The following TNRC6C variants were observed in gnomAD, a reference collection of about 807,000 sequenced individuals.
TNRC6C encodes trinucleotide repeat containing adaptor 6C, also known as trinucleotide repeat-containing gene 6C protein.
Under a neutral mutation model 153.7 loss-of-function variants are expected in TNRC6C, and 20 were observed. The ratio of observed to expected loss-of-function variants is 0.13; its 90% CI spans 0.09 to 0.19. The LOEUF (loss-of-function observed/expected upper bound fraction) is 0.19. TNRC6C is among the 10% of genes least tolerant of loss of function. The pLI is 1.00. For missense variants in TNRC6C, 1,987 were observed against 2,172.0 expected, an observed-to-expected ratio of 0.91 and a Z score of 1.69; for synonymous variants, 811 against 841.4, an observed-to-expected ratio of 0.96 and a Z score of 0.63.
At chr17:78,064,351 A>G (rs1011715211) in intron 3 of TNRC6C, among the ~76,000 whole-genome samples, 2 of 152,116 alleles carry the variant, frequency 1.3e-5, no homozygotes, top group Non-Finnish European at 2.9e-5. Context: ...CCTGACTCCC[A>G]AAGTGCTGGA....
At position 78,050,483 on chromosome 17, in the gene TNRC6C, A is replaced by G. The variant is rs1391449013; in HGVS notation, c.1421A>G (p.Asn474Ser). 13 of 1,614,030 alleles carry G rather than the reference A, an allele frequency of 8.1e-6. No homozygotes were observed. The highest frequency in any genetic ancestry group is 3.3e-4 in the Middle Eastern group (2 of 6,062). The change falls in exon 3 of 20, where the codon AAT becomes AGT. Residue 474 changes from asparagine to serine, a missense_variant. Physicochemically the swap from Asn to Ser is conservative, Grantham distance 46. Coordinates refer to ENST00000301624, the Ensembl canonical transcript of TNRC6C. ...CCTAGGTCTGAAAGGAAAAATGACA[A>G]TGGGACAGAGGCCTGGGGTTGTGCA...
intron 1 of TNRC6C, among the ~76,000 whole-genome samples, chr17:78,018,655 A>G (rs2071776150): frequency 1.3e-5 from 2 of 152,124 alleles, no homozygotes; most frequent in Non-Finnish European, 2.9e-5. Context: ...CATGTATCTT[A>G]CTTACACATC....
At chr17:78,063,777 A>G (rs1005970289) in intron 3 of TNRC6C, among the ~76,000 whole-genome samples, 7 of 152,134 alleles carry the variant, frequency 4.6e-5, no homozygotes, top group African/African-American at 1.7e-4. Context: ...CTTTGCCCAG[A>G]TAAGGTGATC....
chr17:78,098,614 CCT>C, intron 17 of TNRC6C, 77 bp downstream of exon 20: 1 of 1,467,870 alleles, frequency 6.8e-7, no homozygotes, highest in Non-Finnish European at 9.1e-7. Flanking sequence ...TCCTGTACCT[CCT>C]TTGTAAGGAC....
intron 2 of TNRC6C, among the ~76,000 whole-genome samples, chr17:78,038,593 G>A (rs2072227786): frequency 6.6e-6 from 1 of 151,076 alleles, no homozygotes; most frequent in Non-Finnish European, 1.5e-5. Context: ...GCAGGAGAAT[G>A]CCGTGAACCC....
chr17:78,054,460 T>C (rs995475337), intron 3 of TNRC6C, among the ~76,000 whole-genome samples: 1 of 151,712 alleles, frequency 6.6e-6, no homozygotes, highest in Admixed American at 6.5e-5. Context: ...TACTGTATAC[T>C]ACTGCAGACT....
chr17:78,055,925 C>T (rs766122340), intron 3 of TNRC6C, among the ~76,000 whole-genome samples: 8 of 152,178 alleles, frequency 5.3e-5, no homozygotes, highest in Non-Finnish European at 7.3e-5. Context: ...GACCTGCTGA[C>T]ATTTCTAAAA....
chr17:78,021,021 C>T (rs377635136), intron 1 of TNRC6C, among the ~76,000 whole-genome samples: 3 of 152,210 alleles, frequency 2.0e-5, no homozygotes, highest in East Asian at 3.8e-4. Context: ...TGCCTTCCTA[C>T]GGCAACCAAC....
intron 1 of TNRC6C, among the ~76,000 whole-genome samples, chr17:77,997,911 C>T (rs2071354097): frequency 6.6e-6 from 1 of 152,206 alleles, no homozygotes. Flanking sequence ...ACCTCGGCCT[C>T]CCAACGTGCT....
intron 1 of TNRC6C, among the ~76,000 whole-genome samples, chr17:77,973,032 C>T (rs913247679): frequency 6.6e-5 from 10 of 152,138 alleles, no homozygotes; most frequent in Admixed American, 1.3e-4. Flanking sequence ...CAGCCTCCTG[C>T]GTAGCTGGGA....
Position 78,064,942 on chromosome 17 carries a change from G to A in TNRC6C, c.2611+5G>A, listed in dbSNP as rs565415551. 1 of 1,603,484 alleles carries A rather than the reference G, an allele frequency of 6.2e-7. No individual in the cohort carries two copies. The highest frequency in any genetic ancestry group is 8.5e-7 in the Non-Finnish European group (1 of 1,175,270). On this transcript the variant is annotated splice_donor_5th_base_variant and intron_variant, in intron 4 of 19. Coordinates refer to ENST00000301624, the Ensembl canonical transcript of TNRC6C. ...CCTCAGCCCTGTGCAAACCAGGTAAGCCTAGCATCCTGCTTGCCCTGATCT... is the reference window on the plus strand; with the variant it reads ...CCTCAGCCCTGTGCAAACCAGGTAAACCTAGCATCCTGCTTGCCCTGATCT...
At chr17:78,105,203 TATCTGTGGGGGAGG>T (rs1295136780) in exon 20 of TNRC6C, 4 of 194,396 alleles carry the variant, frequency 2.1e-5, no homozygotes, top group Non-Finnish European at 4.2e-5. Context: ...AGGGTTATTT[TATCTGTGGGGGAGG>T]GAGGGAGACG....
At chr17:77,997,966 A>G (rs926102671) in intron 1 of TNRC6C, among the ~76,000 whole-genome samples, 5 of 152,100 alleles carry the variant, frequency 3.3e-5, no homozygotes, top group African/African-American at 7.2e-5. Context: ...CAACCATTTT[A>G]TAATTTTTTT....
At chr17:78,083,020 G>A (rs2073211042) in intron 10 of TNRC6C, 27 bp from the exon 13 acceptor site, 2 of 1,611,864 alleles carry the variant, frequency 1.2e-6, no homozygotes, top group Non-Finnish European at 1.7e-6. Flanking sequence ...AGATACAACG[G>A]CTAATAGTAT....
upstream of TNRC6C, among the ~76,000 whole-genome samples, chr17:78,004,762 A>C (rs1342591876): frequency 1.3e-5 from 2 of 152,154 alleles, no homozygotes; most frequent in African/African-American, 4.8e-5. Flanking sequence ...CTTTGTTCTT[A>C]CCTAGTTTAA....
At chr17:77,963,116 A>G (rs1439377451) in intron 1 of TNRC6C, among the ~76,000 whole-genome samples, 2 of 152,240 alleles carry the variant, frequency 1.3e-5, no homozygotes, top group Non-Finnish European at 2.9e-5. Context: ...CTTTCTTTAA[A>G]TAGACTTTAA....
chr17:77,976,931 GAAAAAAAAAAAAAA>G (rs57726847), intron 1 of TNRC6C, among the ~76,000 whole-genome samples: 12 of 46,586 alleles, frequency 2.6e-4, no homozygotes, highest in African/African-American at 6.5e-4. Flanking sequence ...CTCCATCTCA[GAAAAAAAAAAAAAA>G]AAAAAAAAAA....
chr17:77,958,292 G>A (rs1433487884), upstream of TNRC6C, among the ~76,000 whole-genome samples: 1 of 151,996 alleles, frequency 6.6e-6, no homozygotes, highest in Admixed American at 6.5e-5. Flanking sequence ...GAGCCACAGC[G>A]CCCAGGGACC....
exon 3 of TNRC6C, chr17:78,050,752 C>CAGG: frequency 1.3e-6 from 2 of 1,595,702 alleles, no homozygotes; most frequent in Non-Finnish European, 8.5e-7. Flanking sequence ...GGCCGCAAAT[C>CAGG]AGGAGGACAA....
Sources: gnomAD v4.1 joint callset for allele counts (sites outside exome capture counted in the v4.1 genomes callset) on GRCh38, gnomAD v4.1.1 for gene constraint, MANE v1.5 for transcripts, NCBI Gene and HGNC (gene_info 2026-07-23, HGNC 2026-07-21) for gene names.